The following LIPA variants were observed in gnomAD, a reference collection of about 807,000 sequenced individuals.
LIPA encodes lysosomal acid lipase/cholesteryl ester hydrolase.
A neutral mutation model predicts 40.6 loss-of-function variants in LIPA; 26 were observed. The observed-to-expected ratio is 0.64, with a 90% CI of 0.47 to 0.89. The LOEUF is 0.89. LIPA is among the 40% of genes least tolerant of loss of function. The pLI, the probability that LIPA is intolerant of heterozygous loss-of-function variation, is 0.00. For synonymous variants in LIPA, 188 were observed against 168.4 expected, an observed-to-expected ratio of 1.12 and a Z score of -0.90; for missense variants, 455 against 479.6, an observed-to-expected ratio of 0.95 and a Z score of 0.48.
chr10:89,321,436 A>C (rs1317257254), intron 1 of LIPA, among the ~76,000 whole-genome samples: 5 of 152,254 alleles, frequency 3.3e-5, no homozygotes, highest in African/African-American at 4.8e-5. Flanking sequence ...TCTCAAAAGA[A>C]GACATTTATG....
rs189237800 is a variant in LIPA at position 89,390,609 on chromosome 10, A to C, written c.61+22182T>G. 1.9e-3 allele frequency among the ~76,000 whole-genome samples: 288 copies of C among 151,818 alleles called. 1 individual carries two copies. Among genetic ancestry groups the C allele is most frequent in the African/African-American group, 5.6e-3 (230 of 41,398 alleles). ...GTTCCCATTTTCTTTTTTATCTGTA[A>C]ACACACACACACACGCGCGCGATTG... On this transcript the variant is annotated intron_variant, in intron 2 of 8. Transcript: ENST00000371837.
At position 89,245,770 on chromosome 10, in the gene LIPA, T is replaced by A. The variant is rs760789213; in HGVS notation, c.135A>T (p.Gly45=). The change falls in exon 3 of 10, where the codon GGA becomes GGT. Residue 45 remains glycine (G), a synonymous_variant. Coordinates refer to ENST00000336233, the MANE Select transcript of LIPA (RefSeq NM_000235.4). ...MNVSEIISYW[G]FPSEEYLVET... The stretch of plus-strand genomic sequence containing the variant: ...CAACTAGGTATTCCTCACTAGGGAA[T>A]CCCCAGTAAGAGATAATTTCACTCT... 7.3e-5 allele frequency: 116 copies of A among 1,585,844 alleles called. No individual in the cohort carries two copies. In the East Asian group the frequency reaches 2.6e-3, roughly 35 times the overall value.
At chr10:89,358,266 T>C (rs1844000241) in intron 2 of LIPA, among the ~76,000 whole-genome samples, 1 of 152,120 alleles carries the variant, frequency 6.6e-6, no homozygotes, top group Non-Finnish European at 1.5e-5. Context: ...GAATGGCTAC[T>C]ATCAAAAAAA....
intron 1 of LIPA, among the ~76,000 whole-genome samples, chr10:89,259,736 A>G (rs562734353): frequency 3.0e-4 from 46 of 152,402 alleles, no homozygotes; most frequent in African/African-American, 1.1e-3. Flanking sequence ...GCACACAGCA[A>G]CATGAATGAC....
intron 2 of LIPA, among the ~76,000 whole-genome samples, chr10:89,386,752 G>A (rs1844212688): frequency 6.6e-6 from 1 of 152,192 alleles, no homozygotes; most frequent in East Asian, 1.9e-4. Flanking sequence ...GAGATTTACA[G>A]TCCTCTTGGC....
intron 1 of LIPA, among the ~76,000 whole-genome samples, chr10:89,300,253 A>G (rs1478132127): frequency 6.6e-6 from 1 of 152,170 alleles, no homozygotes; most frequent in Non-Finnish European, 1.5e-5. Flanking sequence ...AATAATAGAT[A>G]CCAGAGACTG....
intron 1 of LIPA, among the ~76,000 whole-genome samples, chr10:89,299,715 T>C (rs1450721388): frequency 6.6e-6 from 1 of 151,256 alleles, no homozygotes. Context: ...AAAATCACAA[T>C]GAGATATCAT....
intron 2 of LIPA, chr10:89,404,012 TGAA>T: frequency 4.2e-6 from 1 of 239,636 alleles, no homozygotes; most frequent in South Asian, 1.4e-4. Context: ...CATTTTATTG[TGAA>T]ATAAAAATAA....
chr10:89,368,177 C>T (rs367780565), intron 2 of LIPA, among the ~76,000 whole-genome samples: 11 of 152,236 alleles, frequency 7.2e-5, no homozygotes, highest in East Asian at 3.9e-4. Context: ...ATGGGGCACA[C>T]GACCTGGAGG....
Position 89,226,990 on chromosome 10 carries a change from G to C in LIPA, c.443C>G (p.Ala148Gly). ...EFWAFSYDEM[A>G]KYDLPASINF... ...AATGGAAGCTGGTAGGTCATATTTT[G>C]CCATCTCATCATAACTGTAATCCAA... Residue 148 changes from alanine (A) to glycine (G), a missense_variant, in exon 5 of 10, where the codon GCA becomes GGA. Transcript: ENST00000336233. 1 of 1,608,288 alleles carries C rather than the reference G, an allele frequency of 6.2e-7. No individual in the cohort carries two copies. The highest frequency in any genetic ancestry group is 1.1e-5 in the South Asian group (1 of 90,940).
chr10:89,338,157 C>T (rs954951497), intron 1 of LIPA: 1 of 154,986 alleles, frequency 6.5e-6, no homozygotes, highest in African/African-American at 2.4e-5. Flanking sequence ...CAAGGAACAT[C>T]TATATATAAA....
chr10:89,274,680 A>T (rs2151005), intron 1 of LIPA, among the ~76,000 whole-genome samples: 111,700 of 152,056 alleles, frequency 0.73, 42,083 homozygotes, highest in East Asian at 0.97. Flanking sequence ...GGTTGAGAGG[A>T]ATTTTCCCTA....
At position 89,409,415 on chromosome 10, in the gene LIPA, C is replaced by T. The variant is rs375457524; in HGVS notation, c.61+3376G>A. ...TTGTTATCAGTGTGGTTTACAAGGACGCTTTAAAAAAGACTGTCCAAACAA... is the reference window on the plus strand; with the variant it reads ...TTGTTATCAGTGTGGTTTACAAGGATGCTTTAAAAAAGACTGTCCAAACAA... On this transcript the variant is annotated intron_variant, in intron 2 of 8. Transcript: ENST00000371837. 8.5e-5 allele frequency among the ~76,000 whole-genome samples: 13 copies of T among 152,244 alleles called. 1 individual carries two copies. In the East Asian group the frequency reaches 1.5e-3, roughly 18 times the overall value.
intron 2 of LIPA, among the ~76,000 whole-genome samples, chr10:89,246,634 C>T (rs1181130703): frequency 1.3e-5 from 2 of 152,226 alleles, no homozygotes; most frequent in Non-Finnish European, 2.9e-5. Context: ...GTCACTGCAA[C>T]ATCTATTTTA....
intron 2 of LIPA, among the ~76,000 whole-genome samples, chr10:89,373,686 T>C (rs1277978886): frequency 6.6e-6 from 1 of 152,182 alleles, no homozygotes; most frequent in Non-Finnish European, 1.5e-5. Context: ...AGGTATTTAT[T>C]AGGAATTAGT....
chr10:89,246,336 G>A (rs1843025051), intron 2 of LIPA, among the ~76,000 whole-genome samples: 1 of 152,130 alleles, frequency 6.6e-6, no homozygotes. Flanking sequence ...AAGGATTCAT[G>A]GGACAATTGT....
intron 2 of LIPA, chr10:89,384,964 T>C (rs1844199795): frequency 2.0e-6 from 1 of 506,636 alleles, no homozygotes; most frequent in Non-Finnish European, 3.5e-6. Flanking sequence ...CCTGAAAGTA[T>C]CATCCCTCCT....
intron 2 of LIPA, among the ~76,000 whole-genome samples, chr10:89,376,820 C>G (rs1398627912): frequency 6.6e-6 from 1 of 152,228 alleles, no homozygotes; most frequent in African/African-American, 2.4e-5. Flanking sequence ...CTGACAGCCT[C>G]CCATCCCATG....
chr10:89,392,786 TCAACAGG>T, intron 2 of LIPA: 1 of 1,517,224 alleles, frequency 6.6e-7, no homozygotes, highest in Non-Finnish European at 9.2e-7. Context: ...AAATACTATT[TCAACAGG>T]TTAGATCTCA....
Sources: allele counts gnomAD v4.1 joint callset (sites outside exome capture counted in the v4.1 genomes callset), GRCh38; gene constraint gnomAD v4.1.1; transcripts MANE v1.5; gene names NCBI Gene and HGNC (gene_info 2026-07-23, HGNC 2026-07-21).